The following PLEKHA6 variants were observed in gnomAD, a reference collection of about 807,000 sequenced individuals.
The protein encoded by PLEKHA6 is pleckstrin homology domain-containing family A member 6.
PLEKHA6 carries 60 observed loss-of-function variants against 116.7 expected under a neutral mutation model. That is an observed-to-expected ratio of 0.51 (90% CI 0.42 to 0.64). The LOEUF (loss-of-function observed/expected upper bound fraction) is 0.64. Ranked by LOEUF, PLEKHA6 falls within the 30% of genes least tolerant of loss-of-function variation. The probability of loss-of-function intolerance (pLI) is 0.00; values close to 1 mark genes in which losing one functional copy is unlikely to be tolerated. For missense variants in PLEKHA6, 1,338 were observed against 1,422.7 expected, an observed-to-expected ratio of 0.94 and a Z score of 0.96; for synonymous variants, 489 against 556.1, an observed-to-expected ratio of 0.88 and a Z score of 1.70.
intron 1 of PLEKHA6, chr1:204,307,789 A>G (rs1671447817): frequency 1.3e-6 from 1 of 782,520 alleles, no homozygotes; most frequent in Admixed American, 6.2e-5. Context: ...CCAGAGGTGC[A>G]GGCACTGGGA....
intron 1 of PLEKHA6, among the ~76,000 whole-genome samples, chr1:204,374,544 A>G (rs1191540974): frequency 6.6e-6 from 1 of 152,116 alleles, no homozygotes; most frequent in Admixed American, 6.6e-5. Flanking sequence ...TCCTCTGGAG[A>G]AGAGGTAGCC....
chr1:204,292,870 C>T (rs1020531880), intron 1 of PLEKHA6, among the ~76,000 whole-genome samples: 15 of 149,346 alleles, frequency 1.0e-4, no homozygotes, highest in Admixed American at 2.7e-4. Flanking sequence ...ACTCCCAAGG[C>T]GGAAGTCTGG....
At chr1:204,360,914 A>G (rs1251168479), upstream of PLEKHA6, among the ~76,000 whole-genome samples, 2 of 152,184 alleles carry the variant, frequency 1.3e-5, no homozygotes, top group Non-Finnish European at 2.9e-5. Flanking sequence ...CCCTTTATCC[A>G]CATCTCTCTC....
In PLEKHA6 at chr1:204,265,327, C is replaced by A. The variant is rs879398575; in HGVS notation, c.281-285G>T. ...CCCTAAAGGAATTTGCATTCTAGTG[C>A]ACAAATAAACAAAGAAATAACAGCT... is the stretch of plus-strand genomic sequence containing the variant. On this transcript the variant is annotated intron_variant, in intron 5 of 22. Coordinates refer to ENST00000272203, the MANE Select transcript of PLEKHA6 (RefSeq NM_014935.5). Among the ~76,000 whole-genome samples, 9 of 152,070 alleles carry A rather than the reference C, an allele frequency of 5.9e-5. No individual in the cohort carries two copies. In the East Asian group the frequency reaches 1.5e-3, roughly 26 times the overall value.
At chr1:204,225,469 T>A (rs1212938703) in intron 21 of PLEKHA6, among the ~76,000 whole-genome samples, 2 of 152,208 alleles carry the variant, frequency 1.3e-5, no homozygotes, top group African/African-American at 4.8e-5. Context: ...AAATGATCAG[T>A]CACACATACT....
Position 204,230,536 on chromosome 1 carries a change from G to A in PLEKHA6, c.2460C>T (p.Ser820=), listed in dbSNP as rs779386317. The change falls in exon 18 of 23, where the codon AGC becomes AGT. Residue 820 remains serine (S), a synonymous_variant. Transcript: ENST00000272203. ...VFPGEGKVKM[S]VEEQIDRMRR... ...GCATTCGGTCAATCTGCTCCTCCACGCTCATCTTGACCTTCCCCTCGCCAG... is the reference window on the plus strand; with the variant it reads ...GCATTCGGTCAATCTGCTCCTCCACACTCATCTTGACCTTCCCCTCGCCAG... 17 of 1,600,862 alleles carry A rather than the reference G, an allele frequency of 1.1e-5. No individual in the cohort carries two copies. Among genetic ancestry groups the A allele is most frequent in the Admixed American group, 8.6e-5 (5 of 57,856 alleles).
At chr1:204,345,570 C>T (rs1447572260) in intron 1 of PLEKHA6, among the ~76,000 whole-genome samples, 4 of 152,108 alleles carry the variant, frequency 2.6e-5, no homozygotes, top group Non-Finnish European at 5.9e-5. Flanking sequence ...GCAGATGTCA[C>T]AGGATCTCCC....
At chr1:204,354,032 A>C (rs1382757976) in intron 1 of PLEKHA6, among the ~76,000 whole-genome samples, 1 of 152,218 alleles carries the variant, frequency 6.6e-6, no homozygotes, top group Non-Finnish European at 1.5e-5. Context: ...ACCTGAGGCT[A>C]GGTAGAATTT....
rs539952503 is a variant in PLEKHA6, at chr1:204,314,486, A to G, written c.-94-39677T>C. ...GTGCAGAGAAGGATCCTGGAACGAC[A>G]AGACTGATCCTAACTGGCCACCACT... On this transcript the variant is annotated intron_variant, in intron 1 of 22. Transcript: ENST00000272203. Among the ~76,000 whole-genome samples the G allele has an allele frequency of 2.0e-5, 3 of 152,326 alleles. No homozygotes were observed. In the South Asian group the frequency reaches 6.2e-4, roughly 32 times the overall value.
At chr1:204,357,729 G>A (rs1360488436) in intron 1 of PLEKHA6, among the ~76,000 whole-genome samples, 2 of 152,314 alleles carry the variant, frequency 1.3e-5, no homozygotes, top group African/African-American at 2.4e-5. Context: ...GAACGGAACC[G>A]CAGCCTGTTC....
At chr1:204,249,158 G>T in intron 11 of PLEKHA6, 26 bp downstream of exon 11, 2 of 1,597,448 alleles carry the variant, frequency 1.3e-6, no homozygotes, top group Non-Finnish European at 8.6e-7. Flanking sequence ...ATCTGCCCCA[G>T]CTTAAAGCCA....
chr1:204,307,980 G>A (rs993312031), intron 1 of PLEKHA6: 2 of 763,618 alleles, frequency 2.6e-6, no homozygotes, highest in Non-Finnish European at 3.2e-6. Flanking sequence ...CTAAGGATCC[G>A]ATTCTAGATA....
intron 1 of PLEKHA6, among the ~76,000 whole-genome samples, chr1:204,310,970 C>G (rs1671636880): frequency 6.6e-6 from 1 of 152,154 alleles, no homozygotes; most frequent in Admixed American, 6.5e-5. Context: ...AGTGCATTAG[C>G]CTAGAGTTAG....
At chr1:204,324,492 C>T (rs556183189) in intron 1 of PLEKHA6, among the ~76,000 whole-genome samples, 2 of 152,166 alleles carry the variant, frequency 1.3e-5, no homozygotes, top group South Asian at 2.1e-4. Context: ...AGAGGCAGCT[C>T]GTGATGAGAC....
chr1:204,359,249 C>T (rs577379496), intron 1 of PLEKHA6, among the ~76,000 whole-genome samples: 7 of 152,204 alleles, frequency 4.6e-5, no homozygotes, highest in East Asian at 3.9e-4. Context: ...CCCCTCCCCA[C>T]GCTGAGGAAG....
Position 204,257,428 on chromosome 1 carries a change from C to A in PLEKHA6, c.1449G>T (p.Arg483=). The change falls in exon 9 of 23, where the codon CGG becomes CGT. Residue 483 remains arginine, a synonymous_variant. Coordinates refer to ENST00000272203, the MANE Select transcript of PLEKHA6 (RefSeq NM_014935.5). The surrounding 1 kb of genome is among the most constrained non-coding windows in gnomAD (Gnocchi z 6.5). ...PVRSPSARFE[R]LPPRSEDIYA... ...AGATGTCCTCACTGCGAGGTGGCAG[C>A]CGCTCAAAACGGGCACTGGGTGAGC... 2.6e-6 allele frequency: 4 copies of A among 1,565,688 alleles called. No homozygotes were observed. The highest frequency in any genetic ancestry group is 3.5e-6 in the Non-Finnish European group (4 of 1,154,306).
At chr1:204,342,500 G>A (rs901703650) in intron 1 of PLEKHA6, among the ~76,000 whole-genome samples, 50 of 152,244 alleles carry the variant, frequency 3.3e-4, no homozygotes, top group African/African-American at 1.2e-3. Flanking sequence ...GAATGACTTA[G>A]AGCAAGGCTT....
intron 5 of PLEKHA6, among the ~76,000 whole-genome samples, chr1:204,267,067 G>A (rs1219885296): frequency 6.6e-6 from 1 of 152,184 alleles, no homozygotes; most frequent in East Asian, 1.9e-4. Flanking sequence ...TCACAGATGG[G>A]ACTGTGCATT....
intron 1 of PLEKHA6, among the ~76,000 whole-genome samples, chr1:204,374,487 A>G (rs920872811): frequency 6.6e-6 from 1 of 152,076 alleles, no homozygotes; most frequent in Non-Finnish European, 1.5e-5. Flanking sequence ...CAATCACCTC[A>G]CCACCAAAAC....
Sources: allele counts gnomAD v4.1 joint callset (sites outside exome capture counted in the v4.1 genomes callset), GRCh38; gene constraint gnomAD v4.1.1; non-coding constraint Gnocchi (gnomAD v3.1); transcripts MANE v1.5; gene names NCBI Gene and HGNC (gene_info 2026-07-23, HGNC 2026-07-21).